The following ANK2 variants were observed in gnomAD, a reference collection of about 807,000 sequenced individuals.
ANK2 encodes the protein ankyrin-2.
Under a neutral mutation model 360.5 loss-of-function variants are expected in ANK2, and 83 were observed. That is an observed-to-expected ratio of 0.23 (90% CI 0.19 to 0.28). ANK2 has a LOEUF of 0.28. Among genes scored for constraint, ANK2 ranks in the 10% least tolerant of loss-of-function variants. The pLI, the probability that ANK2 is intolerant of heterozygous loss-of-function variation, is 1.00. For synonymous variants in ANK2, 1,740 were observed against 1,759.5 expected (o/e 0.99, Z 0.28); for missense variants, 4,201 against 4,795.7 (o/e 0.88, Z 3.66).
intron 2 of ANK2, among the ~76,000 whole-genome samples, chr4:113,000,193 T>A (rs1358207026): frequency 2.0e-5 from 3 of 152,168 alleles, no homozygotes; most frequent in Non-Finnish European, 2.9e-5. Flanking sequence ...TGAGTGAAAC[T>A]AATGGAAGAT....
intron 1 of ANK2, among the ~76,000 whole-genome samples, chr4:112,861,216 G>T (rs189037406): frequency 5.3e-5 from 8 of 152,260 alleles, no homozygotes; most frequent in African/African-American, 1.9e-4. Flanking sequence ...GTTTTACAAA[G>T]ACCTAATTAG....
intron 17 of ANK2, among the ~76,000 whole-genome samples, chr4:113,281,652 A>G (rs898598151): frequency 5.3e-5 from 8 of 152,218 alleles, no homozygotes; most frequent in African/African-American, 1.7e-4. Flanking sequence ...TTTAATTTCT[A>G]TCACACATTT....
intron 2 of ANK2, among the ~76,000 whole-genome samples, chr4:112,976,495 G>C (rs1029412617): frequency 6.6e-6 from 1 of 152,126 alleles, no homozygotes; most frequent in Non-Finnish European, 1.5e-5. Context: ...ACCCAGCCTG[G>C]TTGTGGAATT....
the ANK2 span, among the ~76,000 whole-genome samples, chr4:112,723,389 G>A: frequency 2.6e-5 from 4 of 152,020 alleles, no homozygotes; most frequent in African/African-American, 4.8e-5. Context: ...TGGGCAGGAC[G>A]GACTCACTCT....
At chr4:112,832,884 T>C (rs2060106543) in intron 1 of ANK2, among the ~76,000 whole-genome samples, 1 of 152,242 alleles carries the variant, frequency 6.6e-6, no homozygotes, top group African/African-American at 2.4e-5. Context: ...TGTATACTTG[T>C]GTTTAAGCAC....
the ANK2 span, among the ~76,000 whole-genome samples, chr4:112,711,799 A>G: frequency 2.0e-5 from 3 of 151,838 alleles, no homozygotes; most frequent in Non-Finnish European, 4.4e-5. Flanking sequence ...CAACCTGGGC[A>G]ACAGAGTGAG....
At chr4:112,734,787 C>T in the ANK2 span, among the ~76,000 whole-genome samples, 13 of 152,204 alleles carry the variant, frequency 8.5e-5, 1 homozygote, top group Middle Eastern at 3.4e-3. Context: ...CCAAAAATAA[C>T]CACCATTTTT....
the ANK2 span, among the ~76,000 whole-genome samples, chr4:112,752,436 G>A: frequency 6.6e-6 from 1 of 152,176 alleles, no homozygotes; most frequent in South Asian, 2.1e-4. Context: ...TTTAGAGACA[G>A]GGTCTCTCTC....
At chr4:113,346,496 C>G (rs2094871614) in intron 35 of ANK2, among the ~76,000 whole-genome samples, 1 of 152,058 alleles carries the variant, frequency 6.6e-6, no homozygotes, top group South Asian at 2.1e-4. Context: ...TCAGAACTGC[C>G]CCGTGATATT....
At chr4:112,788,346 G>A in the ANK2 span, 3 of 1,547,732 alleles carry the variant, frequency 1.9e-6, no homozygotes, top group East Asian at 4.5e-5. Context: ...ATGCACTAAG[G>A]GACCACCATT....
chr4:112,848,069 A>G (rs1358138988), intron 1 of ANK2, among the ~76,000 whole-genome samples: 1 of 152,238 alleles, frequency 6.6e-6, no homozygotes, highest in Non-Finnish European at 1.5e-5. Context: ...ACCTGGATTA[A>G]GAGCTCATCT....
At chr4:113,246,584 A>T (rs936157112) in intron 9 of ANK2, among the ~76,000 whole-genome samples, 1 of 152,156 alleles carries the variant, frequency 6.6e-6, no homozygotes, top group African/African-American at 2.4e-5. Context: ...AAATGTGGTG[A>T]TACCGCATAT....
chr4:113,237,131 C>G lies in ANK2; in HGVS notation c.628C>G (p.Leu210Val). ...GAAAGACGACACCAAATCTGCCGCACTTCTGCTTCAGAATGACCACAATGC... is the reference window on the plus strand; with the variant it reads ...GAAAGACGACACCAAATCTGCCGCAGTTCTGCTTCAGAATGACCACAATGC... The part of the protein sequence containing the change: ...ARKDDTKSAA[L>V]LLQNDHNADV... The change falls in exon 6 of 46, where the codon CTT becomes GTT. Residue 210 changes from leucine (L) to valine (V), a missense_variant. By Grantham distance (32) the Leu-to-Val change is conservative. This residue lies in a region of ANK2 where 122 missense variants were observed against 239.3 expected (regional missense o/e 0.51). Transcript: ENST00000357077. The G allele has an allele frequency of 1.2e-6, 2 of 1,614,188 alleles. No homozygotes were observed. Among genetic ancestry groups the G allele is most frequent in the South Asian group, 2.2e-5 (2 of 91,088 alleles).
At chr4:112,958,851 T>TTTTCTTTTTCTC (rs2032973873) in intron 2 of ANK2, among the ~76,000 whole-genome samples, 1 of 150,732 alleles carries the variant, frequency 6.6e-6, no homozygotes, top group African/African-American at 2.5e-5. Context: ...GAAGATTTCT[T>TTTTCTTTTTCTC]TTTCTTTTTT....
intron 1 of ANK2, among the ~76,000 whole-genome samples, chr4:112,855,593 C>A (rs909582243): frequency 2.6e-5 from 4 of 152,224 alleles, no homozygotes; most frequent in African/African-American, 9.6e-5. Flanking sequence ...GTAACTAATA[C>A]GTATCTAGTA....
At chr4:113,368,231 A>G (rs1031964999) in intron 42 of ANK2, among the ~76,000 whole-genome samples, 1 of 152,240 alleles carries the variant, frequency 6.6e-6, no homozygotes, top group Non-Finnish European at 1.5e-5. Flanking sequence ...GCCATGACTT[A>G]TAATATTGCT....
chr4:112,962,539 T>G (rs781114427), intron 2 of ANK2, among the ~76,000 whole-genome samples: 6 of 152,196 alleles, frequency 3.9e-5, no homozygotes, highest in Non-Finnish European at 8.8e-5. Flanking sequence ...TACTGATCTA[T>G]TTTCCTTTGG....
chr4:113,352,760 C>T (rs562177166), intron 37 of ANK2, among the ~76,000 whole-genome samples: 3 of 151,190 alleles, frequency 2.0e-5, no homozygotes, highest in Non-Finnish European at 2.9e-5. Context: ...TGTGTATGTG[C>T]GTCTTGTTTT....
At chr4:112,843,547 T>C (rs973218829) in intron 1 of ANK2, among the ~76,000 whole-genome samples, 9 of 152,202 alleles carry the variant, frequency 5.9e-5, no homozygotes, top group African/African-American at 2.2e-4. Flanking sequence ...ACCTTCATCT[T>C]TAATACACAT....
Sources: gnomAD v4.1 joint callset for allele counts (sites outside exome capture counted in the v4.1 genomes callset) on GRCh38, gnomAD v4.1.1 for gene constraint, gnomAD v4.1.1 regional missense constraint, MANE v1.5 for transcripts, NCBI Gene and HGNC (gene_info 2026-07-23, HGNC 2026-07-21) for gene names.